The following TUSC3 variants were observed in gnomAD, a reference collection of about 807,000 sequenced individuals.
TUSC3 encodes the protein tumor suppressor candidate 3, also known as dolichyl-diphosphooligosaccharide--protein glycosyltransferase subunit TUSC3.
In TUSC3, 45 loss-of-function variants were observed where a neutral mutation model predicts 44.8. That is an observed-to-expected ratio of 1.00 (90% confidence interval 0.79 to 1.29). The LOEUF (loss-of-function observed/expected upper bound fraction) is 1.29, where lower values mean the gene tolerates loss of function less well. Ranked by LOEUF, TUSC3 falls within the 50% of genes most tolerant of loss-of-function variation. The pLI is 0.00. For missense variants in TUSC3, 519 were observed against 437.9 expected (o/e 1.19, Z -1.65); for synonymous variants, 212 against 152.9 (o/e 1.39, Z -2.85).
intron 1 of TUSC3, among the ~76,000 whole-genome samples, chr8:15,451,213 A>G (rs889488886): frequency 2.0e-5 from 3 of 152,140 alleles, no homozygotes; most frequent in Non-Finnish European, 4.4e-5. Flanking sequence ...GTATAATGTT[A>G]CTTATATCTA....
At chr8:15,536,737 G>GCAGGAT (rs926487222), upstream of TUSC3, among the ~76,000 whole-genome samples, 6 of 140,106 alleles carry the variant, frequency 4.3e-5, no homozygotes, top group Non-Finnish European at 7.6e-5. Flanking sequence ...ATGCAGGAAG[G>GCAGGAT]CAGGATTAAG....
intron 2 of TUSC3, among the ~76,000 whole-genome samples, chr8:15,506,880 AG>A (rs1483347349): frequency 6.6e-6 from 1 of 152,224 alleles, no homozygotes; most frequent in Non-Finnish European, 1.5e-5. Context: ...CAGAGAAGCC[AG>A]GAAGAATGTA....
At chr8:15,845,403 G>T in the TUSC3 span, among the ~76,000 whole-genome samples, 2 of 152,148 alleles carry the variant, frequency 1.3e-5, no homozygotes, top group Non-Finnish European at 2.9e-5. Context: ...ATGAAAATTT[G>T]TATTAACATG....
At chr8:15,826,139 G>A in the TUSC3 span, among the ~76,000 whole-genome samples, 7 of 152,216 alleles carry the variant, frequency 4.6e-5, no homozygotes, top group East Asian at 1.4e-3. Flanking sequence ...ATTCTGACTA[G>A]TTTAAATATA....
intron 1 of TUSC3, among the ~76,000 whole-genome samples, chr8:15,444,087 C>T (rs547169159): frequency 6.6e-6 from 1 of 152,166 alleles, no homozygotes; most frequent in Admixed American, 6.5e-5. Flanking sequence ...TTCTCTATTG[C>T]GATTCCCCTG....
chr8:15,430,444 A>G (rs1051386442), intron 1 of TUSC3, among the ~76,000 whole-genome samples: 1 of 150,400 alleles, frequency 6.6e-6, no homozygotes, highest in Non-Finnish European at 1.5e-5. Context: ...CATGTTAAAA[A>G]CTCTCAATAA....
intron 7 of TUSC3, among the ~76,000 whole-genome samples, chr8:15,736,786 A>T (rs1585284120): frequency 6.6e-6 from 1 of 152,260 alleles, no homozygotes; most frequent in East Asian, 1.9e-4. Context: ...ATTTTATTTA[A>T]AATTTCAACC....
intron 3 of TUSC3, among the ~76,000 whole-genome samples, chr8:15,652,828 A>T (rs925711055): frequency 6.6e-6 from 1 of 152,156 alleles, no homozygotes; most frequent in East Asian, 1.9e-4. Context: ...TTGAGGCCCA[A>T]ATATCTTACA....
At position 15,474,122 on chromosome 8, in the gene TUSC3, C is replaced by T. The variant is rs192972050; in HGVS notation, n.92-9264C>T. Among the ~76,000 whole-genome samples, 192 of 152,258 alleles carry T rather than the reference C, an allele frequency of 1.3e-3. 3 individuals are homozygous for T. Among genetic ancestry groups the T allele is most frequent in the Non-Finnish European group, 2.2e-4 (15 of 68,024 alleles). Reference sequence around the variant, plus strand: ...TTTATCAATATCTTCCCTACTTACACGTCCATTTATAGGCTGTCTGCACGA... The same window carrying T: ...TTTATCAATATCTTCCCTACTTACATGTCCATTTATAGGCTGTCTGCACGA... On this transcript the variant is annotated intron_variant and non_coding_transcript_variant, in intron 1 of 5. Transcript: ENST00000503191.
At chr8:15,686,417 T>C (rs957512012) in intron 6 of TUSC3, among the ~76,000 whole-genome samples, 1 of 152,150 alleles carries the variant, frequency 6.6e-6, no homozygotes, top group Non-Finnish European at 1.5e-5. Flanking sequence ...CTAAGCGTTA[T>C]ATTCTGCATG....
At chr8:15,613,102 T>C (rs1458691558) in intron 1 of TUSC3, among the ~76,000 whole-genome samples, 2 of 149,350 alleles carry the variant, frequency 1.3e-5, no homozygotes, top group African/African-American at 4.9e-5. Context: ...ATTTTATATG[T>C]GTTTGTGTGT....
chr8:15,728,966 G>A (rs1311442988), intron 6 of TUSC3, among the ~76,000 whole-genome samples: 1 of 152,064 alleles, frequency 6.6e-6, no homozygotes, highest in Non-Finnish European at 1.5e-5. Context: ...TTAAGGCCAG[G>A]AACATTGAGA....
chr8:15,508,058 A>G lies in TUSC3; in HGVS notation n.189+24575A>G, dbSNP rs192643747. 6.1e-3 allele frequency among the ~76,000 whole-genome samples: 933 copies of G among 152,192 alleles called. 6 individuals carry two copies. Among genetic ancestry groups the G allele is most frequent in the African/African-American group, 0.019 (804 of 41,536 alleles). ...GGAGTTCACGGCCAGCCTGGTCAACATGGGGAAACCCGTCTCTACTAAAAA... is the reference window on the plus strand; with the variant it reads ...GGAGTTCACGGCCAGCCTGGTCAACGTGGGGAAACCCGTCTCTACTAAAAA... On this transcript the variant is annotated intron_variant and non_coding_transcript_variant, in intron 2 of 5. Transcript: ENST00000503191.
chr8:15,534,052 G>A (rs1801488334), intron 2 of TUSC3, among the ~76,000 whole-genome samples: 1 of 152,122 alleles, frequency 6.6e-6, no homozygotes, highest in African/African-American at 2.4e-5. Flanking sequence ...CCAAGATAGT[G>A]ATGTTCTTGC....
chr8:15,430,460 G>T (rs943145966), intron 1 of TUSC3, among the ~76,000 whole-genome samples: 1 of 150,346 alleles, frequency 6.7e-6, no homozygotes, highest in South Asian at 2.1e-4. Context: ...AATAAATTAA[G>T]TATTGATGGG....
At chr8:15,672,493 C>G (rs923428616) in intron 5 of TUSC3, among the ~76,000 whole-genome samples, 1 of 152,026 alleles carries the variant, frequency 6.6e-6, no homozygotes, top group Non-Finnish European at 1.5e-5. Context: ...AAGCAATGGA[C>G]TTGCTCAAGG....
chr8:15,560,237 G>C (rs1426927791), intron 1 of TUSC3, among the ~76,000 whole-genome samples: 2 of 147,864 alleles, frequency 1.4e-5, no homozygotes, highest in Non-Finnish European at 3.0e-5. Context: ...TGTCTGTTAA[G>C]TATTTTATTT....
upstream of TUSC3, among the ~76,000 whole-genome samples, chr8:15,536,260 T>G (rs1208127890): frequency 1.3e-5 from 2 of 152,100 alleles, no homozygotes; most frequent in Non-Finnish European, 1.5e-5. Context: ...TTAGGAAAGG[T>G]TGCCAGGTAG....
At chr8:15,622,602 G>C (rs926199089) in intron 1 of TUSC3, among the ~76,000 whole-genome samples, 1 of 152,074 alleles carries the variant, frequency 6.6e-6, no homozygotes, top group South Asian at 2.1e-4. Context: ...TCCTATTTTT[G>C]ACTTTAAGTA....
Sources: allele counts gnomAD v4.1 joint callset (sites outside exome capture counted in the v4.1 genomes callset), GRCh38; gene constraint gnomAD v4.1.1; transcripts MANE v1.5; gene names NCBI Gene and HGNC (gene_info 2026-07-23, HGNC 2026-07-21).